The following ENPP6 variants were observed in gnomAD, a reference collection of about 807,000 sequenced individuals.
ENPP6 encodes ectonucleotide pyrophosphatase/phosphodiesterase 6.
Under a neutral mutation model 42.0 loss-of-function variants are expected in ENPP6, and 32 were observed. The observed-to-expected ratio is 0.76, with a 90% CI of 0.58 to 1.02. The LOEUF (loss-of-function observed/expected upper bound fraction) is 1.02, where lower values mean the gene tolerates loss of function less well. Among genes scored for constraint, ENPP6 ranks in the 50% least tolerant of loss-of-function variants. The probability of loss-of-function intolerance (pLI) is 0.00; values close to 1 mark genes in which losing one functional copy is unlikely to be tolerated. For synonymous variants in ENPP6, 213 were observed against 216.0 expected, an observed-to-expected ratio of 0.99 and a Z score of 0.12; for missense variants, 552 against 566.8, an observed-to-expected ratio of 0.97 and a Z score of 0.27.
At chr4:184,135,492 A>C (rs1736717332) in intron 2 of ENPP6, among the ~76,000 whole-genome samples, 1 of 152,216 alleles carries the variant, frequency 6.6e-6, no homozygotes, top group Non-Finnish European at 1.5e-5. Flanking sequence ...GCCTAATGTT[A>C]TTATAGCTGC....
Position 184,113,965 on chromosome 4 carries a change from C to CTT in ENPP6, c.856-1157_856-1156insAA, listed in dbSNP as rs1560982025. Among the ~76,000 whole-genome samples the CTT allele has an allele frequency of 7.2e-3, 264 of 36,462 alleles. 2 individuals carry two copies. The highest frequency in any genetic ancestry group is 0.028 in the Middle Eastern group (2 of 72). 23.9% of individuals were successfully genotyped at this position (36,462 alleles called of 152,430 possible). A position where few individuals can be genotyped will look rare whatever the true frequency, so the allele number is the denominator to read the frequency against. On this transcript the variant is annotated intron_variant, in intron 5 of 7. Transcript: ENST00000296741. ...TTTCTTTCTTTCTTTCTTTCTTTCT[C>CTT]TCTTTCTTTCTTTCTTTTTGATGGA...
chr4:184,191,889 C>T (rs1473210331), intron 1 of ENPP6, among the ~76,000 whole-genome samples: 3 of 152,052 alleles, frequency 2.0e-5, no homozygotes, highest in Non-Finnish European at 2.9e-5. Context: ...TTCACATTAA[C>T]GTCAAAAAAA....
chr4:184,103,847 G>A (rs1049968653), intron 6 of ENPP6, among the ~76,000 whole-genome samples: 1 of 152,086 alleles, frequency 6.6e-6, no homozygotes, highest in African/African-American at 2.4e-5. Flanking sequence ...TCAGGCCTCG[G>A]CCTGCTGGCC....
intron 1 of ENPP6, among the ~76,000 whole-genome samples, chr4:184,195,260 C>T (rs1029264056): frequency 6.6e-6 from 1 of 152,016 alleles, no homozygotes; most frequent in Admixed American, 6.6e-5. Flanking sequence ...AGTTATTTTT[C>T]CTGATCCTCT....
intron 6 of ENPP6, among the ~76,000 whole-genome samples, chr4:184,102,536 G>A (rs1645808651): frequency 6.6e-6 from 1 of 152,212 alleles, no homozygotes; most frequent in African/African-American, 2.4e-5. Flanking sequence ...GGAGAATAAC[G>A]GAGGAGGCTG....
chr4:184,206,395 C>G lies in ENPP6; in HGVS notation c.241+11184G>C, dbSNP rs1249864860. ...GCCTCAGCCTCCCGAGTAGCTGGGACTACAGGCGGGCGCCACCAGGCCCGG... is the reference window on the plus strand; with the variant it reads ...GCCTCAGCCTCCCGAGTAGCTGGGAGTACAGGCGGGCGCCACCAGGCCCGG... On this transcript the variant is annotated intron_variant, in intron 1 of 7. Transcript: ENST00000296741. Among the ~76,000 whole-genome samples the G allele has an allele frequency of 4.7e-5, 5 of 106,146 alleles. 1 individual carries two copies. Among genetic ancestry groups the G allele is most frequent in the African/African-American group, 1.5e-4 (4 of 26,012 alleles). The allele number at this position is 106,146 out of a possible 152,430, so 69.6% of individuals were successfully genotyped here.
intron 2 of ENPP6, among the ~76,000 whole-genome samples, chr4:184,134,046 A>G (rs1450554289): frequency 6.6e-6 from 1 of 152,134 alleles, no homozygotes. Flanking sequence ...ATCTATGTTC[A>G]TGAAAAAGGT....
chr4:184,129,025 T>G (rs1196013695), intron 2 of ENPP6, among the ~76,000 whole-genome samples: 2 of 152,214 alleles, frequency 1.3e-5, no homozygotes, highest in East Asian at 3.8e-4. Flanking sequence ...GACAGGCTAG[T>G]TATTAACAAC....
intron 1 of ENPP6, among the ~76,000 whole-genome samples, chr4:184,162,289 G>C (rs181275323): frequency 6.6e-6 from 1 of 152,074 alleles, no homozygotes; most frequent in African/African-American, 2.4e-5. Context: ...TGGAAAAAAG[G>C]GGGGAAGGAA....
intron 1 of ENPP6, among the ~76,000 whole-genome samples, chr4:184,174,935 C>T (rs1737536729): frequency 6.6e-6 from 1 of 152,226 alleles, no homozygotes; most frequent in South Asian, 2.1e-4. Context: ...TTTCACTCTG[C>T]AACAGCTTTG....
intron 6 of ENPP6, among the ~76,000 whole-genome samples, chr4:184,100,186 G>A (rs1439559776): frequency 6.6e-6 from 1 of 152,246 alleles, no homozygotes; most frequent in Non-Finnish European, 1.5e-5. Context: ...CACCTGGCGG[G>A]TCAGGTGCAC....
intron 1 of ENPP6, among the ~76,000 whole-genome samples, chr4:184,189,906 C>T (rs796784696): frequency 2.6e-4 from 40 of 152,098 alleles, no homozygotes; most frequent in African/African-American, 9.2e-4. Context: ...GAAGGGAACT[C>T]GTGTGAGGAG....
intron 1 of ENPP6, among the ~76,000 whole-genome samples, chr4:184,192,309 G>A (rs1417715842): frequency 1.3e-5 from 2 of 152,172 alleles, no homozygotes; most frequent in Non-Finnish European, 2.9e-5. Context: ...ATAAAATTGA[G>A]AGCCCAAGAA....
chr4:184,217,630 T>A lies in ENPP6; in HGVS notation c.190A>T (p.Thr64Ser), dbSNP rs1733218437. The change falls in exon 1 of 8, where the codon ACT (threonine) becomes TCT (serine). Residue 64 changes from threonine (T) to serine (S), a missense_variant. Around this residue, in one of 2 missense-constraint regions of ENPP6, gnomAD observed 545 missense variants for 546.3 expected, o/e 1.00. Transcript: ENST00000296741. The stretch of plus-strand genomic sequence containing the variant: ...TACGAGAGACTAGGGAAGTCTGGAG[T>A]CAAGTAATCCACTTTTACTCCCCTG... ...VSRGVKVDYLTPDFPSLSYPN... is the reference protein window; with the variant it reads ...VSRGVKVDYLSPDFPSLSYPN... 6.2e-7 allele frequency: 1 copy of A among 1,613,818 alleles called. No homozygotes were observed. Among genetic ancestry groups the A allele is most frequent in the Non-Finnish European group, 8.5e-7 (1 of 1,179,988 alleles).
intron 3 of ENPP6, among the ~76,000 whole-genome samples, chr4:184,118,891 G>T (rs1343060615): frequency 1.3e-5 from 2 of 152,218 alleles, no homozygotes; most frequent in Non-Finnish European, 2.9e-5. Flanking sequence ...GCTGCAAGGG[G>T]TTCCTAGCCC....
chr4:184,208,948 A>G lies in ENPP6; in HGVS notation c.241+8631T>C, dbSNP rs1647273389. Among the ~76,000 whole-genome samples the G allele has an allele frequency of 4.2e-5, 6 of 142,600 alleles. No individual in the cohort carries two copies. The South Asian group carries it at 1.3e-3, about 32-fold the overall frequency. 93.6% of individuals were successfully genotyped at this position (142,600 alleles called of 152,430 possible). A position where few individuals can be genotyped will look rare whatever the true frequency, so the allele number is the denominator to read the frequency against. The stretch of plus-strand genomic sequence containing the variant: ...TGACCCCTGACCCCCGAGCAGCCTA[A>G]CTGGGAGGCACCCCCCAGCAGGAGC... On this transcript the variant is annotated intron_variant, in intron 1 of 7. Coordinates refer to ENST00000296741, the MANE Select transcript of ENPP6 (RefSeq NM_153343.4).
intron 6 of ENPP6, among the ~76,000 whole-genome samples, chr4:184,112,245 A>G (rs1422763902): frequency 6.6e-6 from 1 of 152,218 alleles, no homozygotes; most frequent in African/African-American, 2.4e-5. Flanking sequence ...CCTCTGAAAG[A>G]TCAAATTGGC....
intron 1 of ENPP6, among the ~76,000 whole-genome samples, chr4:184,185,015 G>A (rs1035447026): frequency 6.6e-6 from 1 of 152,206 alleles, no homozygotes; most frequent in African/African-American, 2.4e-5. Flanking sequence ...AGACAACAGA[G>A]GTAGGACAAT....
intron 2 of ENPP6, among the ~76,000 whole-genome samples, chr4:184,133,599 G>T (rs541485378): frequency 6.6e-6 from 1 of 151,752 alleles, no homozygotes; most frequent in Non-Finnish European, 1.5e-5. Context: ...CTGCTCCCCC[G>T]AAGGACCCTC....
Sources: gnomAD v4.1 joint callset for allele counts (sites outside exome capture counted in the v4.1 genomes callset) on GRCh38, gnomAD v4.1.1 for gene constraint, gnomAD v4.1.1 regional missense constraint, MANE v1.5 for transcripts, NCBI Gene and HGNC (gene_info 2026-07-23, HGNC 2026-07-21) for gene names.